The following ANKRD42 variants were observed in gnomAD, a reference collection of about 807,000 sequenced individuals.
The protein encoded by ANKRD42 is ankyrin repeat domain-containing protein 42.
Under a neutral mutation model 51.5 loss-of-function variants are expected in ANKRD42, and 43 were observed. That is an observed-to-expected ratio of 0.83 (90% CI 0.65 to 1.08). The LOEUF is 1.08. Ranked by LOEUF, ANKRD42 falls within the 50% of genes least tolerant of loss-of-function variation. The pLI is 0.00. For missense variants in ANKRD42, 608 were observed against 629.3 expected (o/e 0.97, Z 0.36); for synonymous variants, 203 against 213.0 (o/e 0.95, Z 0.41).
chr11:83,213,385 G>A (rs145354492), intron 5 of ANKRD42: 16 of 1,572,564 alleles, frequency 1.0e-5, no homozygotes, highest in African/African-American at 8.1e-5. Flanking sequence ...GCCAGGCTGC[G>A]CAGTGAAGAA....
intron 7 of ANKRD42, among the ~76,000 whole-genome samples, chr11:83,235,294 A>G (rs1001336512): frequency 6.6e-6 from 1 of 152,224 alleles, no homozygotes; most frequent in Non-Finnish European, 1.5e-5. Context: ...TTGAGGAGCT[A>G]TTCATAGGGA....
downstream of ANKRD42, among the ~76,000 whole-genome samples, chr11:83,263,574 C>T (rs1334395964): frequency 6.6e-6 from 1 of 152,200 alleles, no homozygotes; most frequent in Non-Finnish European, 1.5e-5. Context: ...ACATTATCTA[C>T]ATAGATTAAA....
chr11:83,204,207 T>C (rs1224020375), intron 2 of ANKRD42, among the ~76,000 whole-genome samples: 1 of 152,166 alleles, frequency 6.6e-6, no homozygotes, highest in Non-Finnish European at 1.5e-5. Flanking sequence ...CCTCCCAAAA[T>C]GCTGAGATTA....
chr11:83,221,616 C>T (rs1590986981), intron 5 of ANKRD42, among the ~76,000 whole-genome samples: 1 of 152,230 alleles, frequency 6.6e-6, no homozygotes, highest in African/African-American at 2.4e-5. Context: ...CTAAATGGCA[C>T]CTTATGCTCA....
chr11:83,232,498 G>C (rs1863103230), intron 7 of ANKRD42, among the ~76,000 whole-genome samples: 1 of 152,076 alleles, frequency 6.6e-6, no homozygotes, highest in East Asian at 1.9e-4. Flanking sequence ...TTTGTGTGGG[G>C]TCTTTAGGTT....
At chr11:83,263,923 A>C (rs547280468), downstream of ANKRD42, among the ~76,000 whole-genome samples, 7 of 152,328 alleles carry the variant, frequency 4.6e-5, no homozygotes, top group South Asian at 2.1e-4. Context: ...TGGCACCTCA[A>C]CATCAGTAGT....
Position 83,245,559 on chromosome 11 carries a change from T to C in ANKRD42, c.1257T>C (p.Tyr419=). 1 of 1,536,702 alleles carries C rather than the reference T, an allele frequency of 6.5e-7. No homozygotes were observed. Among genetic ancestry groups the C allele is most frequent in the Non-Finnish European group, 8.7e-7 (1 of 1,147,018 alleles). The change falls in exon 10 of 11, where the codon TAT becomes TAC. Residue 419 remains tyrosine (Y), a synonymous_variant. Transcript: ENST00000533342. ...TCCTGGAAATTGCCGAGAGCAACTA[T>C]AAACACTTGGGAGGCATAACAGAAG... ...RHLLEIAESN[Y]KHLGGITEED...
At chr11:83,213,475 C>CA in intron 5 of ANKRD42, 1 of 1,373,674 alleles carries the variant, frequency 7.3e-7, no homozygotes, top group Non-Finnish European at 9.4e-7. Flanking sequence ...AAAACAACAA[C>CA]AAAAAATTAT....
rs574678859 is a variant in ANKRD42, at chr11:83,246,656, C to T, written c.1322+1032C>T. Among the ~76,000 whole-genome samples the T allele has an allele frequency of 7.0e-4, 107 of 152,272 alleles. No individual in the cohort carries two copies. In the Middle Eastern group the frequency reaches 0.01, roughly 15 times the overall value. ...TTGTCCTCTGCTTTTCCTGCCTTTT[C>T]CTTTGGTCGTGTCTTGTTCCGTCAC... is the stretch of plus-strand genomic sequence containing the variant. On this transcript the variant is annotated intron_variant, in intron 10 of 10. Coordinates refer to ENST00000533342, the MANE Select transcript of ANKRD42 (RefSeq NM_001300975.2).
In ANKRD42 at chr11:83,206,109, A is replaced by T. The variant is rs1319635389; in HGVS notation, c.274A>T (p.Arg92Ter). The part of the protein sequence containing the change: ...HGADITHVTT[R>*]GWTASHIAAI... Reference sequence around the variant, plus strand: ...AGCTGATATCACACACGTAACAACGAGAGGTTGGACAGCATCTCACATAGC... The same window carrying T: ...AGCTGATATCACACACGTAACAACGTGAGGTTGGACAGCATCTCACATAGC... Residue 92 changes from arginine to a stop codon, truncating the protein, a stop_gained, in exon 3 of 11, where the codon AGA (arginine) becomes TGA (stop). Transcript: ENST00000533342. LOFTEE classifies it high-confidence loss of function. 1 of 1,614,106 alleles carries T rather than the reference A, an allele frequency of 6.2e-7. No individual in the cohort carries two copies. The highest frequency in any genetic ancestry group is 1.7e-5 in the Admixed American group (1 of 60,016).
chr11:83,223,462 G>A (rs1037752678), intron 5 of ANKRD42, among the ~76,000 whole-genome samples: 3 of 152,090 alleles, frequency 2.0e-5, no homozygotes, highest in Non-Finnish European at 2.9e-5. Flanking sequence ...AAAATTTGTT[G>A]ATGGATTAGA....
At chr11:83,226,195 A>G (rs959037463) in intron 6 of ANKRD42, among the ~76,000 whole-genome samples, 2 of 131,308 alleles carry the variant, frequency 1.5e-5, no homozygotes, top group African/African-American at 8.0e-5. Flanking sequence ...ATCTGTACAC[A>G]TACATATGTA....
downstream of ANKRD42, chr11:83,257,441 T>C (rs1863794199): frequency 2.5e-6 from 1 of 393,170 alleles, no homozygotes; most frequent in South Asian, 1.8e-5. Flanking sequence ...CTGAAAGCCA[T>C]AGTTGTTTTT....
downstream of ANKRD42, among the ~76,000 whole-genome samples, chr11:83,251,819 G>A (rs1591015234): frequency 6.6e-6 from 1 of 152,066 alleles, no homozygotes; most frequent in African/African-American, 2.4e-5. Context: ...TATATTTCAA[G>A]ATATGTCTTA....
At chr11:83,217,801 T>G (rs1285785752) in intron 5 of ANKRD42, among the ~76,000 whole-genome samples, 1 of 152,232 alleles carries the variant, frequency 6.6e-6, no homozygotes, top group Non-Finnish European at 1.5e-5. Context: ...CAAACTGCAC[T>G]GATAACAAGC....
chr11:83,233,384 A>G (rs1381529982), intron 7 of ANKRD42, among the ~76,000 whole-genome samples: 1 of 152,084 alleles, frequency 6.6e-6, no homozygotes, highest in Admixed American at 6.5e-5. Context: ...AGTTACTCAT[A>G]GTAGCCACTA....
intron 8 of ANKRD42, among the ~76,000 whole-genome samples, chr11:83,236,881 CT>C: frequency 6.6e-6 from 1 of 152,170 alleles, no homozygotes; most frequent in Non-Finnish European, 1.5e-5. Context: ...GTAGCATTCC[CT>C]GTTAAGAAAT....
intron 7 of ANKRD42, among the ~76,000 whole-genome samples, chr11:83,230,750 C>A (rs1258562021): frequency 6.6e-6 from 1 of 152,118 alleles, no homozygotes; most frequent in East Asian, 1.9e-4. Context: ...CCATGCCCGG[C>A]TAATTTTTTG....
chr11:83,229,602 T>C (rs1863006028), intron 7 of ANKRD42, among the ~76,000 whole-genome samples: 1 of 152,156 alleles, frequency 6.6e-6, no homozygotes, highest in African/African-American at 2.4e-5. Context: ...GAAAGAGAAA[T>C]GAGGGATCTG....
Sources: allele counts gnomAD v4.1 joint callset (sites outside exome capture counted in the v4.1 genomes callset), GRCh38; gene constraint gnomAD v4.1.1; transcripts MANE v1.5; gene names NCBI Gene and HGNC (gene_info 2026-07-23, HGNC 2026-07-21).